Variants in SOHLH2 observed in about 807,000 individuals in gnomAD.
SOHLH2 encodes spermatogenesis and oogenesis specific basic helix-loop-helix 2, also known as spermatogenesis- and oogenesis-specific basic helix-loop-helix-containing protein 2.
Under a neutral mutation model 50.4 loss-of-function variants are expected in SOHLH2, and 22 were observed. The observed-to-expected ratio is 0.44, with a 90% confidence interval of 0.31 to 0.62. SOHLH2 has a LOEUF of 0.62. SOHLH2 is among the 20% of genes least tolerant of loss of function. The pLI, the probability that SOHLH2 is intolerant of heterozygous loss-of-function variation, is 0.08. For missense variants in SOHLH2, 412 were observed against 504.4 expected (o/e 0.82, Z 1.76); for synonymous variants, 185 against 187.3 (o/e 0.99, Z 0.10).
rs369312430 is a variant in SOHLH2, at chr13:36,201,715, C to T, written c.263+164G>A. On this transcript the variant is annotated intron_variant, in intron 2 of 10. Coordinates refer to ENST00000379881, the MANE Select transcript of SOHLH2 (RefSeq NM_017826.3). ...GAACTCCCGGGTTAAAGCAATCATC[C>T]CACATCGGCCTCTCAAAGTGCCAGG... Among the ~76,000 whole-genome samples, 5 of 152,238 alleles carry T rather than the reference C, an allele frequency of 3.3e-5. No individual in the cohort carries two copies. The South Asian group carries it at 6.2e-4, about 19-fold the overall frequency.
At chr13:36,193,574 A>C (rs753508333) in intron 4 of SOHLH2, 47 bp downstream of exon 4, 42 of 1,557,442 alleles carry the variant, frequency 2.7e-5, no homozygotes, top group Non-Finnish European at 3.5e-5. Context: ...CAGAGTTTTC[A>C]AAGATTTTAA....
intron 1 of SOHLH2, among the ~76,000 whole-genome samples, chr13:36,205,671 T>C (rs772166819): frequency 1.3e-5 from 2 of 152,104 alleles, no homozygotes; most frequent in Non-Finnish European, 2.9e-5. Flanking sequence ...TGAATCTTGA[T>C]ATAATTTTGT....
In SOHLH2 at chr13:36,170,578, A is replaced by G; in HGVS notation, c.1210T>C (p.Cys404Arg). The change falls in exon 10 of 11, where the codon TGC becomes CGC. Residue 404 changes from cysteine (C) to arginine (R), a missense_variant. Cys to Arg is a radical substitution (Grantham distance 180). Transcript: ENST00000379881. ...PPVSKLLPRH[C>R]TSGLGQTCTT... is the part of the protein sequence containing the mutation. ...CACGTCTGGCCCAACCCAGAAGTGC[A>G]GTGCCGAGGGAGAAGCTTTGAGACC... 2 of 1,614,182 alleles carry G rather than the reference A, an allele frequency of 1.2e-6. No homozygotes were observed. Among genetic ancestry groups the G allele is most frequent in the Non-Finnish European group, 1.7e-6 (2 of 1,180,012 alleles).
At chr13:36,197,526 A>G (rs542067723) in intron 2 of SOHLH2, among the ~76,000 whole-genome samples, 49 of 152,334 alleles carry the variant, frequency 3.2e-4, no homozygotes, top group Non-Finnish European at 6.6e-4. Flanking sequence ...ATAAGTCCCT[A>G]TGAAGCCTGC....
chr13:36,188,289 G>A (rs1381193142), intron 6 of SOHLH2, among the ~76,000 whole-genome samples: 1 of 152,194 alleles, frequency 6.6e-6, no homozygotes, highest in Non-Finnish European at 1.5e-5. Context: ...GTTGTTTCAA[G>A]CCAGTAAATC....
At chr13:36,205,057 A>T (rs1193696421) in intron 1 of SOHLH2, among the ~76,000 whole-genome samples, 1 of 152,124 alleles carries the variant, frequency 6.6e-6, no homozygotes, top group African/African-American at 2.4e-5. Context: ...CTTACTCACT[A>T]CATTTTCTGA....
intron 1 of SOHLH2, among the ~76,000 whole-genome samples, chr13:36,211,442 A>G (rs1869116929): frequency 6.6e-6 from 1 of 152,254 alleles, no homozygotes; most frequent in African/African-American, 2.4e-5. Context: ...CAAGGTGAAC[A>G]AACAAGACAA....
intron 6 of SOHLH2, among the ~76,000 whole-genome samples, chr13:36,188,937 A>T (rs1887501274): frequency 6.6e-6 from 1 of 152,144 alleles, no homozygotes; most frequent in Non-Finnish European, 1.5e-5. Flanking sequence ...CCAACTCTGC[A>T]CTCCAAGAGG....
chr13:36,188,045 G>T (rs1196284985), intron 6 of SOHLH2, among the ~76,000 whole-genome samples: 3 of 152,060 alleles, frequency 2.0e-5, no homozygotes, highest in African/African-American at 7.2e-5. Flanking sequence ...GAAGTCCAAT[G>T]ACACTAAAAC....
chr13:36,202,028 T>C lies in SOHLH2; in HGVS notation c.114A>G (p.Lys38=), dbSNP rs151120332. The change falls in exon 2 of 11, where the codon AAA becomes AAG. Residue 38 remains lysine, a synonymous_variant. Coordinates refer to ENST00000379881, the MANE Select transcript of SOHLH2 (RefSeq NM_017826.3). ...TGACTTCTGCTATGTTTGCAAATAG[T>C]TTCTGTACAGTATCAGCCAGGTAGC... The part of the protein sequence containing the change: ...TVGYLADTVQ[K]LFANIAEVTI... The C allele has an allele frequency of 2.5e-5, 40 of 1,614,122 alleles. No individual in the cohort carries two copies. In the African/African-American group the frequency reaches 4.9e-4, roughly 20 times the overall value.
chr13:36,210,188 TG>T (rs952795627), intron 1 of SOHLH2, among the ~76,000 whole-genome samples: 2 of 152,132 alleles, frequency 1.3e-5, no homozygotes, highest in African/African-American at 4.8e-5. Flanking sequence ...AGGAGTGAGC[TG>T]GGAGAGTCCA....
chr13:36,192,937 A>G (rs1388100104), intron 4 of SOHLH2, among the ~76,000 whole-genome samples: 2 of 152,194 alleles, frequency 1.3e-5, no homozygotes, highest in African/African-American at 4.8e-5. Context: ...CCAATTTAAC[A>G]TCATCTTAAT....
intron 6 of SOHLH2, among the ~76,000 whole-genome samples, chr13:36,177,124 C>G (rs971830893): frequency 2.6e-5 from 4 of 152,014 alleles, no homozygotes; most frequent in Admixed American, 6.6e-5. Context: ...TTTTTCCATA[C>G]CACATCACTT....
At chr13:36,173,919 C>G in intron 8 of SOHLH2, 109 bp from the exon 9 acceptor site, 1 of 1,236,944 alleles carries the variant, frequency 8.1e-7, no homozygotes, top group Middle Eastern at 2.2e-4. Context: ...ACTGATAAAG[C>G]CTCAACTATG....
chr13:36,213,364 G>A (rs1363076220), intron 1 of SOHLH2, among the ~76,000 whole-genome samples: 1 of 152,084 alleles, frequency 6.6e-6, no homozygotes, highest in Non-Finnish European at 1.5e-5. Context: ...TGTTAAACGG[G>A]TCCACTTCAA....
chr13:36,201,795 A>G (rs946865352), intron 2 of SOHLH2, 84 bp downstream of exon 2: 23 of 1,537,234 alleles, frequency 1.5e-5, no homozygotes, highest in Non-Finnish European at 1.8e-6. Context: ...AAATAGAAAT[A>G]TATCATCTTT....
chr13:36,214,040 A>ATTT (rs774440035), intron 1 of SOHLH2, among the ~76,000 whole-genome samples: 1 of 139,628 alleles, frequency 7.2e-6, no homozygotes, highest in Admixed American at 7.2e-5. Flanking sequence ...AAGGGCTAAG[A>ATTT]TTTTTTTTTT....
Position 36,173,548 on chromosome 13 carries a change from T to C in SOHLH2, c.1000+144A>G, listed in dbSNP as rs1254087159. The C allele has an allele frequency of 1.1e-5, 10 of 935,954 alleles. No individual in the cohort carries two copies. The East Asian group carries it at 2.4e-4, about 23-fold the overall frequency. The allele number at this position is 935,954 out of a possible 1,614,324, so 58.0% of individuals were successfully genotyped here. A position where few individuals can be genotyped will look rare whatever the true frequency, so the allele number is the denominator to read the frequency against. On this transcript the variant is annotated intron_variant, in intron 9 of 10. Coordinates refer to ENST00000379881, the MANE Select transcript of SOHLH2 (RefSeq NM_017826.3). ...ACTATTTAAACAACTGTAGCCACCT[T>C]GTGTACCTGAGGCTGACAATACCAG...
At chr13:36,196,329 T>A (rs1887728655) in intron 2 of SOHLH2, among the ~76,000 whole-genome samples, 1 of 152,068 alleles carries the variant, frequency 6.6e-6, no homozygotes. Context: ...TCTCACTATG[T>A]TGCCCAGGCT....
Sources: allele counts gnomAD v4.1 joint callset (sites outside exome capture counted in the v4.1 genomes callset), GRCh38; gene constraint gnomAD v4.1.1; transcripts MANE v1.5; gene names NCBI Gene and HGNC (gene_info 2026-07-23, HGNC 2026-07-21).